Variants in NATD1 observed in about 807,000 individuals in gnomAD.
The protein encoded by NATD1 is N-acetyltransferase domain containing 1.
NATD1 carries 9 observed loss-of-function variants against 12.0 expected under a neutral mutation model. The observed-to-expected ratio is 0.75, with a 90% CI of 0.45 to 1.30. NATD1 has a LOEUF of 1.30. Among genes scored for constraint, NATD1 ranks in the 50% most tolerant of loss-of-function variants. NATD1 has a pLI of 0.00. For synonymous variants in NATD1, 71 were observed against 65.9 expected, an observed-to-expected ratio of 1.08 and a Z score of -0.37; for missense variants, 148 against 148.5, an observed-to-expected ratio of 1.00 and a Z score of 0.02.
At chr17:21,251,594 C>T (rs992447546) in intron 1 of NATD1, among the ~76,000 whole-genome samples, 48 of 152,196 alleles carry the variant, frequency 3.2e-4, no homozygotes, top group African/African-American at 1.1e-3. Context: ...CCTCAGTTTC[C>T]TCATCTGTAA....
chr17:21,252,187 C>T (rs1420345605), intron 1 of NATD1, among the ~76,000 whole-genome samples: 2 of 152,172 alleles, frequency 1.3e-5, no homozygotes, highest in Admixed American at 1.3e-4. Context: ...TGCCTGTAAT[C>T]CCACCTACTC....
rs529549000 is a variant in NATD1, at chr17:21,244,134, C to T, written c.197G>A (p.Gly66Glu). 3.1e-6 allele frequency: 5 copies of T among 1,612,820 alleles called. No homozygotes were observed. The highest frequency in any genetic ancestry group is 3.3e-5 in the Admixed American group (2 of 59,954). ...GGCAAGGTGCTTGGCGATGCCACGC[C>T]CACGGTAGGCATCTGGGACCTCGGT... ...QHTEVPDAYR[G>E]RGIAKHLAKA... The change falls in exon 2 of 3, where the codon GGG (glycine) becomes GAG (glutamate). Residue 66 changes from glycine (G) to glutamate (E), a missense_variant. Physicochemically the swap from Gly to Glu is moderately conservative, Grantham distance 98. Transcript: ENST00000611551. This position sits in a 1 kb window ranked among gnomAD's most constrained non-coding sequence, Gnocchi z 5.2.
rs899611776 is a variant in NATD1 at position 21,245,149 on chromosome 17, G to A, written c.107-925C>T. On this transcript the variant is annotated intron_variant, in intron 1 of 2. Transcript: ENST00000611551. ...AGGAGAGGGCACCAGCCATTCTGAG[G>A]GAACAGTGTTCTGGGCAGAGGGAAC... Among the ~76,000 whole-genome samples the A allele has an allele frequency of 2.0e-5, 3 of 152,154 alleles. No homozygotes were observed. In the East Asian group the frequency reaches 5.8e-4, roughly 29 times the overall value.
chr17:21,247,805 A>G (rs754479630), intron 1 of NATD1, among the ~76,000 whole-genome samples: 2 of 152,138 alleles, frequency 1.3e-5, no homozygotes, highest in Non-Finnish European at 2.9e-5. Flanking sequence ...TGCCTGTGTC[A>G]CTGTGAGCCG....
At chr17:21,252,121 G>A (rs1242712003) in intron 1 of NATD1, among the ~76,000 whole-genome samples, 2 of 152,176 alleles carry the variant, frequency 1.3e-5, no homozygotes, top group African/African-American at 2.4e-5. Flanking sequence ...GACCAGCCTG[G>A]CCAACATGGT....
At chr17:21,245,725 C>T (rs1160833597) in intron 1 of NATD1, among the ~76,000 whole-genome samples, 3 of 152,182 alleles carry the variant, frequency 2.0e-5, no homozygotes, top group African/African-American at 7.2e-5. Context: ...TTCCTGCACC[C>T]GCCATCGCCT....
chr17:21,247,497 C>T lies in NATD1; in HGVS notation c.107-3273G>A, dbSNP rs116752953. Among the ~76,000 whole-genome samples the T allele has an allele frequency of 4.8e-3, 733 of 152,260 alleles. 3 individuals carry two copies. Among genetic ancestry groups the T allele is most frequent in the African/African-American group, 0.017 (707 of 41,572 alleles). Reference sequence around the variant, plus strand: ...ATCCTCACAACCATCCCACTAAACACGATTCTCACAGCCCCATGTACAGAT... The same window carrying T: ...ATCCTCACAACCATCCCACTAAACATGATTCTCACAGCCCCATGTACAGAT... On this transcript the variant is annotated intron_variant, in intron 1 of 2. Transcript: ENST00000611551.
Sources: gnomAD v4.1 joint callset for allele counts (sites outside exome capture counted in the v4.1 genomes callset) on GRCh38, gnomAD v4.1.1 for gene constraint, Gnocchi (gnomAD v3.1) non-coding constraint, MANE v1.5 for transcripts, NCBI Gene and HGNC (gene_info 2026-07-23, HGNC 2026-07-21) for gene names.